Variants in NDUFA5 observed in about 807,000 individuals in gnomAD.
NDUFA5 encodes NADH dehydrogenase [ubiquinone] 1 alpha subcomplex subunit 5.
NDUFA5 carries 11 observed loss-of-function variants against 19.8 expected under a neutral mutation model. The ratio of observed to expected loss-of-function variants is 0.56; its 90% CI spans 0.35 to 0.92. The LOEUF is 0.92. NDUFA5 is among the 40% of genes least tolerant of loss of function. The pLI is 0.01. For synonymous variants in NDUFA5, 47 were observed against 46.8 expected (o/e 1.00, Z -0.01); for missense variants, 109 against 134.2 (o/e 0.81, Z 0.93).
At chr7:123,554,464 T>A (rs1010336263) in intron 2 of NDUFA5, among the ~76,000 whole-genome samples, 11 of 141,182 alleles carry the variant, frequency 7.8e-5, no homozygotes, top group Non-Finnish European at 1.3e-4. Flanking sequence ...TCAGAAAATA[T>A]TAAATGAAAA....
the NDUFA5 span, among the ~76,000 whole-genome samples, chr7:123,565,183 A>G: frequency 6.6e-6 from 1 of 152,108 alleles, no homozygotes; most frequent in Non-Finnish European, 1.5e-5. Flanking sequence ...AAGAATATAG[A>G]TGTCTCAGCT....
chr7:123,577,658 A>G, the NDUFA5 span, among the ~76,000 whole-genome samples: 1 of 152,126 alleles, frequency 6.6e-6, no homozygotes, highest in African/African-American at 2.4e-5. Context: ...AACATAGCAA[A>G]CATGTTGAAC....
chr7:123,589,321 T>TATC, the NDUFA5 span, among the ~76,000 whole-genome samples: 8 of 149,282 alleles, frequency 5.4e-5, no homozygotes, highest in African/African-American at 1.2e-4. Flanking sequence ...TTATTATTAT[T>TATC]ATCATTATTA....
At chr7:123,581,892 A>C in the NDUFA5 span, among the ~76,000 whole-genome samples, 1 of 151,908 alleles carries the variant, frequency 6.6e-6, no homozygotes, top group Non-Finnish European at 1.5e-5. Context: ...CAAACCATTT[A>C]AAACTATATA....
chr7:123,552,636 TAAAAAAAAAA>T (rs774901648), intron 2 of NDUFA5, among the ~76,000 whole-genome samples: 1 of 67,416 alleles, frequency 1.5e-5, no homozygotes, highest in Non-Finnish European at 3.0e-5. Flanking sequence ...AAAGTATAAC[TAAAAAAAAAA>T]AAAAAAAAAA....
the NDUFA5 span, among the ~76,000 whole-genome samples, chr7:123,583,905 C>T: frequency 6.6e-6 from 1 of 151,930 alleles, no homozygotes; most frequent in Admixed American, 6.6e-5. Flanking sequence ...CTGTCCTCAT[C>T]TTACTTGACT....
At chr7:123,587,416 T>C in the NDUFA5 span, among the ~76,000 whole-genome samples, 1 of 151,786 alleles carries the variant, frequency 6.6e-6, no homozygotes, top group Non-Finnish European at 1.5e-5. Context: ...TTTACTGTAA[T>C]TGTTTATTAG....
At chr7:123,550,419 CT>C in intron 3 of NDUFA5, 50 bp downstream of exon 3, 4 of 297,854 alleles carry the variant, frequency 1.3e-5, no homozygotes, top group Non-Finnish European at 2.3e-5. Context: ...AGGAACTAAA[CT>C]TTTTTGGTTA....
chr7:123,597,917 CGTGTGTGTGT>C, the NDUFA5 span, among the ~76,000 whole-genome samples: 26 of 133,070 alleles, frequency 2.0e-4, no homozygotes, highest in Admixed American at 5.3e-4. Flanking sequence ...TTTCAAACTT[CGTGTGTGTGT>C]GTGTGTGTGT....
chr7:123,552,636 T>TA (rs774901648), intron 2 of NDUFA5, among the ~76,000 whole-genome samples: 2,770 of 67,382 alleles, frequency 0.041, 145 homozygotes, highest in African/African-American at 0.13. Context: ...AAAGTATAAC[T>TA]AAAAAAAAAA....
chr7:123,597,649 T>C, the NDUFA5 span, among the ~76,000 whole-genome samples: 24,252 of 151,888 alleles, frequency 0.16, 2,085 homozygotes, highest in South Asian at 0.22. Context: ...TTGGCCAACA[T>C]GGTGAAACCC....
chr7:123,558,684 G>C (rs1306324539), upstream of NDUFA5, among the ~76,000 whole-genome samples: 2 of 152,176 alleles, frequency 1.3e-5, no homozygotes, highest in Admixed American at 1.3e-4. Context: ...TAAATTCCAG[G>C]TGATTTTATG....
rs959085632 is a variant in NDUFA5, at chr7:123,542,309, A to G, written c.250-89T>C. 4.6e-6 allele frequency: 4 copies of G among 867,144 alleles called. No individual in the cohort carries two copies. In the African/African-American group the frequency reaches 5.2e-5, roughly 11 times the overall value. 53.7% of individuals were successfully genotyped at this position (867,144 alleles called of 1,614,324 possible). A position where few individuals can be genotyped will look rare whatever the true frequency, so the allele number is the denominator to read the frequency against. ...AACTGAAATTTAACTATTAGTTACTACTTTCATTTAATATCTCATAATCTA... is the reference window on the plus strand; with the variant it reads ...AACTGAAATTTAACTATTAGTTACTGCTTTCATTTAATATCTCATAATCTA... On this transcript the variant is annotated intron_variant, in intron 4 of 4. Coordinates refer to ENST00000355749, the MANE Select transcript of NDUFA5 (RefSeq NM_005000.5).
At chr7:123,567,093 T>C in the NDUFA5 span, 2 of 152,250 alleles carry the variant, frequency 1.3e-5, no homozygotes, top group Non-Finnish European at 1.5e-5. Context: ...ACTAAGGTAC[T>C]GCATAATTAA....
chr7:123,577,581 CTCT>C, the NDUFA5 span, among the ~76,000 whole-genome samples: 3 of 152,096 alleles, frequency 2.0e-5, no homozygotes, highest in Non-Finnish European at 2.9e-5. Context: ...TGCCAGAATT[CTCT>C]TCTTCTCAGG....
chr7:123,556,695 A>T, intron 2 of NDUFA5: 1 of 386,624 alleles, frequency 2.6e-6, no homozygotes, highest in South Asian at 2.1e-5. Context: ...TAACTGGTGA[A>T]CTTGAAAAGA....
At chr7:123,557,881 C>A, upstream of NDUFA5, 1 of 1,610,566 alleles carries the variant, frequency 6.2e-7, no homozygotes, top group South Asian at 1.1e-5. Flanking sequence ...GCCACTCTGT[C>A]ACCCTGGAAA....
chr7:123,588,577 C>CCCTT, the NDUFA5 span, among the ~76,000 whole-genome samples: 6 of 143,724 alleles, frequency 4.2e-5, no homozygotes, highest in South Asian at 1.3e-3. Context: ...CTTCCTTCCT[C>CCCTT]CCTTCCTTCC....
the NDUFA5 span, among the ~76,000 whole-genome samples, chr7:123,593,742 G>A: frequency 6.6e-6 from 1 of 151,968 alleles, no homozygotes; most frequent in East Asian, 1.9e-4. Flanking sequence ...TGGTGAATCT[G>A]AACACTTATG....
Sources: allele counts gnomAD v4.1 joint callset (sites outside exome capture counted in the v4.1 genomes callset), GRCh38; gene constraint gnomAD v4.1.1; transcripts MANE v1.5; gene names NCBI Gene and HGNC (gene_info 2026-07-23, HGNC 2026-07-21).